The following MAN2A1 variants were observed in gnomAD, a reference collection of about 807,000 sequenced individuals.
MAN2A1 encodes the protein alpha-mannosidase 2.
Under a neutral mutation model 142.6 loss-of-function variants are expected in MAN2A1, and 76 were observed. That is an observed-to-expected ratio of 0.53 (90% confidence interval 0.44 to 0.65). The LOEUF (loss-of-function observed/expected upper bound fraction) is 0.65, where lower values mean the gene tolerates loss of function less well. MAN2A1 is among the 30% of genes least tolerant of loss of function. The pLI is 0.00. For missense variants in MAN2A1, 1,311 were observed against 1,365.1 expected, an observed-to-expected ratio of 0.96 and a Z score of 0.62; for synonymous variants, 559 against 473.2, an observed-to-expected ratio of 1.18 and a Z score of -2.35.
intron 9 of MAN2A1, among the ~76,000 whole-genome samples, chr5:109,784,298 A>G (rs1753539855): frequency 6.6e-6 from 1 of 152,120 alleles, no homozygotes; most frequent in South Asian, 2.1e-4. Flanking sequence ...CCGCTCACCG[A>G]CCATGCCTTT....
At chr5:109,734,366 C>T (rs1418568271) in intron 4 of MAN2A1, among the ~76,000 whole-genome samples, 5 of 147,176 alleles carry the variant, frequency 3.4e-5, no homozygotes, top group Admixed American at 6.8e-5. Flanking sequence ...GTGTCTCTAT[C>T]TCCTTCAGTT....
chr5:109,829,848 T>A (rs1754859529), intron 16 of MAN2A1, among the ~76,000 whole-genome samples: 1 of 152,210 alleles, frequency 6.6e-6, no homozygotes, highest in Non-Finnish European at 1.5e-5. Flanking sequence ...AACTTAATTT[T>A]TTTCTTGAAA....
intron 8 of MAN2A1, among the ~76,000 whole-genome samples, chr5:109,779,527 G>T (rs954595867): frequency 6.6e-6 from 1 of 150,852 alleles, no homozygotes; most frequent in Non-Finnish European, 1.5e-5. Context: ...CCTTCTATTC[G>T]TGACTCATTT....
chr5:109,825,054 A>G (rs893012537), intron 16 of MAN2A1, among the ~76,000 whole-genome samples: 1 of 152,188 alleles, frequency 6.6e-6, no homozygotes, highest in African/African-American at 2.4e-5. Context: ...TGACTTCTGA[A>G]GTTATCTGTG....
chr5:109,737,445 A>ATTTTTTTTTTTTTT (rs34188816), intron 4 of MAN2A1, among the ~76,000 whole-genome samples: 1 of 146,894 alleles, frequency 6.8e-6, no homozygotes. Context: ...AGATTTTTGA[A>ATTTTTTTTTTTTTT]TTTTTTTTTT....
intron 1 of MAN2A1, among the ~76,000 whole-genome samples, chr5:109,698,920 G>A (rs1750892748): frequency 6.6e-6 from 1 of 151,956 alleles, no homozygotes; most frequent in Admixed American, 6.6e-5. Context: ...ATTTCTTTAT[G>A]TTCCATGTGT....
intron 3 of MAN2A1, among the ~76,000 whole-genome samples, chr5:109,721,531 T>C (rs1269753380): frequency 6.6e-6 from 1 of 152,228 alleles, no homozygotes; most frequent in Non-Finnish European, 1.5e-5. Flanking sequence ...TTGTTGTTTA[T>C]CTGAAATTCA....
Position 109,869,383 on chromosome 5 carries a change from A to G in MAN2A1, c.*2385A>G, listed in dbSNP as rs1269941955. 1.3e-5 allele frequency: 2 copies of G among 152,232 alleles called. No homozygotes were observed. The highest frequency in any genetic ancestry group is 3.9e-4 in the East Asian group (2 of 5,192). 9.4% of individuals were successfully genotyped at this position (152,232 alleles called of 1,614,324 possible). ...CTCAGCATCCTTGTTTTCTACAAAT[A>G]CTGATTAAAATAAAATGCTGTAAAA... On this transcript the variant is annotated 3_prime_UTR_variant, in exon 22 of 22. Coordinates refer to ENST00000261483, the MANE Select transcript of MAN2A1 (RefSeq NM_002372.4).
At position 109,842,806 on chromosome 5, in the gene MAN2A1, G is replaced by GTTTTTTTTTTTTTTTTTTTTTTTTTTTT. The variant is rs768238978; in HGVS notation, c.2700+362_2700+363insTTTTTTTTTTTTTTTTTTTTTTTTTTTT. On this transcript the variant is annotated intron_variant, in intron 17 of 21. Transcript: ENST00000261483. ...GGGATTGATGGATTATACTTATTGG[G>GTTTTTTTTTTTTTTTTTTTTTTTTTTTT]TTTTTTTTTTTTTTTTTGAGAAAGA... Among the ~76,000 whole-genome samples, 68 of 116,172 alleles carry GTTTTTTTTTTTTTTTTTTTTTTTTTTTT rather than the reference G, an allele frequency of 5.9e-4. 6 individuals are homozygous for GTTTTTTTTTTTTTTTTTTTTTTTTTTTT. Among genetic ancestry groups the GTTTTTTTTTTTTTTTTTTTTTTTTTTTT allele is most frequent in the South Asian group, 1.0e-3 (3 of 2,932 alleles). The allele number at this position is 116,172 out of a possible 152,430, so 76.2% of individuals were successfully genotyped here.
At chr5:109,730,666 A>C (rs1751877944) in intron 4 of MAN2A1, among the ~76,000 whole-genome samples, 1 of 152,178 alleles carries the variant, frequency 6.6e-6, no homozygotes, top group South Asian at 2.1e-4. Flanking sequence ...AATGTCACTT[A>C]TACAGCGCTT....
intron 10 of MAN2A1, among the ~76,000 whole-genome samples, chr5:109,785,894 T>C (rs1255540575): frequency 3.3e-5 from 5 of 152,146 alleles, no homozygotes; most frequent in Non-Finnish European, 7.4e-5. Context: ...TCCTTAGTAC[T>C]ACTCCTTGAT....
chr5:109,786,236 G>A (rs1213055446), intron 10 of MAN2A1, among the ~76,000 whole-genome samples: 1 of 151,990 alleles, frequency 6.6e-6, no homozygotes, highest in Non-Finnish European at 1.5e-5. Context: ...TGAAAGTAAG[G>A]TCAGATCCTC....
intron 4 of MAN2A1, among the ~76,000 whole-genome samples, chr5:109,734,304 A>G (rs200351582): frequency 2.9e-5 from 2 of 68,828 alleles, no homozygotes; most frequent in African/African-American, 1.1e-4. Context: ...TGATCTTTTG[A>G]AAAAAAAAAA....
chr5:109,761,209 T>C (rs1343885347), intron 5 of MAN2A1, among the ~76,000 whole-genome samples: 1 of 151,486 alleles, frequency 6.6e-6, no homozygotes, highest in African/African-American at 2.4e-5. Flanking sequence ...TTTAAATACT[T>C]ATAGTATTTA....
At chr5:109,694,168 G>T (rs530425414) in intron 1 of MAN2A1, among the ~76,000 whole-genome samples, 1 of 152,188 alleles carries the variant, frequency 6.6e-6, no homozygotes, top group Non-Finnish European at 1.5e-5. Flanking sequence ...GCATATGACC[G>T]TAGAGATTAA....
intron 21 of MAN2A1, among the ~76,000 whole-genome samples, chr5:109,866,143 TA>T (rs573866587): frequency 7.6e-4 from 115 of 152,292 alleles, no homozygotes; most frequent in Non-Finnish European, 1.4e-3. Flanking sequence ...AAAGCACTGA[TA>T]TTTTTATTAC....
Position 109,755,422 on chromosome 5 carries a change from A to T in MAN2A1, c.801A>T (p.Leu267=). Residue 267 remains leucine (L), a synonymous_variant, in exon 5 of 22, where the codon CTA becomes CTT. Transcript: ENST00000261483. ...TPHYFALIDQ[L]IEGHQWLENN... is the part of the protein sequence containing the mutation. ...ATTATTTTGCCTTAATTGATCAACT[A>T]ATTGAAGGACATCAGTGGCTGGAAA... The T allele has an allele frequency of 1.2e-6, 2 of 1,610,882 alleles. No homozygotes were observed. The highest frequency in any genetic ancestry group is 1.3e-5 in the African/African-American group (1 of 74,954).
chr5:109,754,422 T>G (rs975383112), intron 4 of MAN2A1, among the ~76,000 whole-genome samples: 2 of 152,196 alleles, frequency 1.3e-5, no homozygotes, highest in South Asian at 2.1e-4. Context: ...TAATGAAAAA[T>G]AAACTGTATA....
intron 4 of MAN2A1, among the ~76,000 whole-genome samples, chr5:109,751,036 AG>A (rs1752530775): frequency 6.6e-6 from 1 of 152,042 alleles, no homozygotes; most frequent in Non-Finnish European, 1.5e-5. Flanking sequence ...TGTTAACTAT[AG>A]TCACCCTACT....
Sources: gnomAD v4.1 joint callset for allele counts (sites outside exome capture counted in the v4.1 genomes callset) on GRCh38, gnomAD v4.1.1 for gene constraint, MANE v1.5 for transcripts, NCBI Gene and HGNC (gene_info 2026-07-23, HGNC 2026-07-21) for gene names.